The following GANC variants were observed in gnomAD, a reference collection of about 807,000 sequenced individuals.
GANC encodes the protein neutral alpha-glucosidase C.
GANC carries 117 observed loss-of-function variants against 124.2 expected under a neutral mutation model. That is an observed-to-expected ratio of 0.94 (90% CI 0.81 to 1.10). The LOEUF is 1.10. GANC is among the 50% of genes least tolerant of loss of function. GANC has a pLI of 0.00. For synonymous variants in GANC, 377 were observed against 376.8 expected (o/e 1.00, Z -0.01); for missense variants, 1,140 against 1,095.0 (o/e 1.04, Z -0.58).
rs2051629475 is a variant in GANC at position 42,274,340 on chromosome 15, A to G, written c.-142A>G. ...AGTCAAGATTTGTCACTCCATGAGA[A>G]TCTGGAGGGGACTCCCTTCCCAGAA... is the stretch of plus-strand genomic sequence containing the variant. On this transcript the variant is annotated 5_prime_UTR_variant, in exon 1 of 24. Coordinates refer to ENST00000318010, the MANE Select transcript of GANC (RefSeq NM_198141.3). 3 of 797,530 alleles carry G rather than the reference A, an allele frequency of 3.8e-6. No individual in the cohort carries two copies. The highest frequency in any genetic ancestry group is 4.1e-6 in the Non-Finnish European group (2 of 489,170). 49.4% of individuals were successfully genotyped at this position (797,530 alleles called of 1,614,324 possible). A position where few individuals can be genotyped will look rare whatever the true frequency, so the allele number is the denominator to read the frequency against.
intron 8 of GANC, among the ~76,000 whole-genome samples, chr15:42,309,319 A>T (rs1273661664): frequency 6.7e-6 from 1 of 149,244 alleles, no homozygotes; most frequent in African/African-American, 2.5e-5. Context: ...CCTGTTGGAC[A>T]CAATTTTTTT....
rs1430017121 is a variant in GANC at position 42,273,341 on chromosome 15, G to T, written c.-1141G>T. 1 of 1,614,150 alleles carries T rather than the reference G, an allele frequency of 6.2e-7. No homozygotes were observed. Among genetic ancestry groups the T allele is most frequent in the Admixed American group, 1.7e-5 (1 of 60,020 alleles). ...CTGAAAAACGACAGTGGTGACGGGT[G>T]AGCTCCCAGAAGCAGAAGAATGACA... On this transcript the variant is annotated 5_prime_UTR_variant, in exon 1 of 24. It removes the in-frame stop codon of an upstream open reading frame in the 5' UTR. Coordinates refer to ENST00000318010, the MANE Select transcript of GANC (RefSeq NM_198141.3).
At chr15:42,331,283 A>G (rs1169173834) in intron 15 of GANC, among the ~76,000 whole-genome samples, 1 of 152,224 alleles carries the variant, frequency 6.6e-6, no homozygotes, top group Non-Finnish European at 1.5e-5. Flanking sequence ...GTTTGCTGGG[A>G]TAGTCATCTT....
intron 3 of GANC, chr15:42,283,563 C>T: frequency 1.5e-6 from 1 of 678,032 alleles, no homozygotes. Context: ...ATGATGCTTT[C>T]TCATGATATA....
chr15:42,311,478 C>T (rs2052049081), intron 10 of GANC, among the ~76,000 whole-genome samples: 1 of 152,172 alleles, frequency 6.6e-6, no homozygotes, highest in Non-Finnish European at 1.5e-5. Context: ...TCCACTCTCA[C>T]ACTGCTAAGA....
Position 42,274,474 on chromosome 15 carries a change from G to T in GANC, c.-8G>T. 6.2e-7 allele frequency: 1 copy of T among 1,610,520 alleles called. No homozygotes were observed. The highest frequency in any genetic ancestry group is 1.1e-5 in the South Asian group (1 of 89,916). ...GAGCTGGGAGCTGGTCGGAGTGACA[G>T]AGAAGCCATGGAAGCAGCAGTGAAA... is the stretch of plus-strand genomic sequence containing the variant. On this transcript the variant is annotated 5_prime_UTR_variant, in exon 1 of 24. Transcript: ENST00000318010.
rs771731160 is a variant in GANC at position 42,326,472 on chromosome 15, A to G, written c.1420+48A>G. ...TATTATTTCCACATGTTCTGTCCCA[A>G]TTAATGAAGGCTGCGTGGTCATCAT... On this transcript the variant is annotated intron_variant, in intron 12 of 23. Transcript: ENST00000318010. The G allele has an allele frequency of 2.5e-6, 4 of 1,611,780 alleles. No individual in the cohort carries two copies. In the East Asian group the frequency reaches 8.9e-5, roughly 36 times the overall value.
intron 15 of GANC, among the ~76,000 whole-genome samples, chr15:42,331,500 C>T (rs902098982): frequency 6.6e-6 from 1 of 152,170 alleles, no homozygotes; most frequent in African/African-American, 2.4e-5. Flanking sequence ...TTTAAGTCCC[C>T]TGGCCTTGCA....
chr15:42,291,984 C>A (rs2051845328), intron 4 of GANC, among the ~76,000 whole-genome samples: 1 of 152,170 alleles, frequency 6.6e-6, no homozygotes, highest in Non-Finnish European at 1.5e-5. Flanking sequence ...AGAACATAAA[C>A]TGTCTCTTTT....
At chr15:42,286,231 A>G (rs1025414379) in intron 3 of GANC, among the ~76,000 whole-genome samples, 10 of 152,188 alleles carry the variant, frequency 6.6e-5, no homozygotes, top group Admixed American at 3.9e-4. Context: ...CTAACCCTAC[A>G]GTCATCATTA....
At chr15:42,349,939 G>A (rs371736083) in intron 22 of GANC, among the ~76,000 whole-genome samples, 95 of 142,776 alleles carry the variant, frequency 6.7e-4, no homozygotes, top group African/African-American at 1.7e-3. Context: ...GTGAGCCACC[G>A]TGCCCGGCGC....
chr15:42,337,594 A>T (rs370232590), intron 15 of GANC, among the ~76,000 whole-genome samples: 2 of 152,188 alleles, frequency 1.3e-5, no homozygotes, highest in South Asian at 2.1e-4. Context: ...GATCAGGAAA[A>T]ATAACTAATG....
intron 15 of GANC, among the ~76,000 whole-genome samples, chr15:42,335,845 CAGG>C (rs1467923108): frequency 1.3e-5 from 2 of 152,148 alleles, no homozygotes; most frequent in Admixed American, 6.6e-5. Context: ...AGAGCCAAAT[CAGG>C]AGCATAGTCC....
Position 42,329,673 on chromosome 15 carries a change from A to G in GANC, c.1644+224A>G, listed in dbSNP as rs140484971. ...TGAACTTGATGAACTTTTAAATATT[A>G]TGAAATTAATTATAACATAAAGCTT... On this transcript the variant is annotated intron_variant, in intron 14 of 23. Transcript: ENST00000318010. Among the ~76,000 whole-genome samples the G allele has an allele frequency of 1.4e-3, 220 of 152,290 alleles. 2 individuals are homozygous for G. Among genetic ancestry groups the G allele is most frequent in the African/African-American group, 4.5e-3 (187 of 41,552 alleles).
intron 19 of GANC, 50 bp downstream of exon 19, chr15:42,343,204 C>A: frequency 1.3e-6 from 2 of 1,485,738 alleles, no homozygotes; most frequent in South Asian, 1.1e-5. Flanking sequence ...TCTCTCATCC[C>A]TTCTTTTCTT....
intron 20 of GANC, among the ~76,000 whole-genome samples, chr15:42,347,065 G>A (rs1196403484): frequency 1.3e-5 from 2 of 151,964 alleles, no homozygotes; most frequent in African/African-American, 4.8e-5. Context: ...TATTTGTCCA[G>A]GAACACAGCA....
In GANC at chr15:42,353,229, C is replaced by A. The variant is rs2052473773; in HGVS notation, c.*1090C>A. 7 of 985,874 alleles carry A rather than the reference C, an allele frequency of 7.1e-6. No individual in the cohort carries two copies. The highest frequency in any genetic ancestry group is 8.4e-6 in the Non-Finnish European group (7 of 829,950). 61.1% of individuals were successfully genotyped at this position (985,874 alleles called of 1,614,324 possible). ...GCATCTGTTTTAGCAGCCTCGACTC[C>A]TCAGCACTCCTCAGCACACACCTCT... On this transcript the variant is annotated 3_prime_UTR_variant, in exon 24 of 24. Transcript: ENST00000318010.
In GANC at chr15:42,300,139, C is replaced by T. The variant is rs149084469; in HGVS notation, c.558+2483C>T. ...GGGATCTAATTAAACTAAAGAGCTTCTGCACAGCAACAGAAACGATCATCA... is the reference window on the plus strand; with the variant it reads ...GGGATCTAATTAAACTAAAGAGCTTTTGCACAGCAACAGAAACGATCATCA... On this transcript the variant is annotated intron_variant, in intron 6 of 23. Coordinates refer to ENST00000318010, the MANE Select transcript of GANC (RefSeq NM_198141.3). Among the ~76,000 whole-genome samples, 549 of 152,302 alleles carry T rather than the reference C, an allele frequency of 3.6e-3. 3 individuals are homozygous for T. Among genetic ancestry groups the T allele is most frequent in the African/African-American group, 0.013 (531 of 41,556 alleles).
At chr15:42,298,929 G>A (rs948126210) in intron 6 of GANC, among the ~76,000 whole-genome samples, 6 of 152,214 alleles carry the variant, frequency 3.9e-5, no homozygotes, top group African/African-American at 4.8e-5. Flanking sequence ...AGACTTTGCT[G>A]AAGTTGCTTA....
Sources: allele counts gnomAD v4.1 joint callset (sites outside exome capture counted in the v4.1 genomes callset), GRCh38; gene constraint gnomAD v4.1.1; transcripts MANE v1.5; gene names NCBI Gene and HGNC (gene_info 2026-07-23, HGNC 2026-07-21).